MARCHF1: variants seen among roughly 807,000 people sequenced by gnomAD.
The protein encoded by MARCHF1 is membrane associated ring-CH-type finger 1, also known as E3 ubiquitin-protein ligase MARCHF1.
A neutral mutation model predicts 54.2 loss-of-function variants in MARCHF1; 40 were observed. The ratio of observed to expected loss-of-function variants is 0.74; its 90% CI spans 0.57 to 0.96. The LOEUF (loss-of-function observed/expected upper bound fraction) is 0.96, where lower values mean the gene tolerates loss of function less well. Ranked by LOEUF, MARCHF1 falls within the 40% of genes least tolerant of loss-of-function variation. MARCHF1 has a pLI of 0.00. For missense variants in MARCHF1, 586 were observed against 656.5 expected (o/e 0.89, Z 1.17); for synonymous variants, 236 against 236.3 (o/e 1.00, Z 0.01).
intron 1 of MARCHF1, among the ~76,000 whole-genome samples, chr4:164,249,459 G>C (rs1484988124): frequency 6.6e-6 from 1 of 152,040 alleles, no homozygotes; most frequent in Non-Finnish European, 1.5e-5. Context: ...AATGTAGGCA[G>C]CAGGGGAGGT....
At chr4:163,530,899 T>C (rs1433687558) in intron 9 of MARCHF1, among the ~76,000 whole-genome samples, 1 of 151,870 alleles carries the variant, frequency 6.6e-6, no homozygotes, top group Non-Finnish European at 1.5e-5. Context: ...TGGCCAAAGC[T>C]CACACAGGAG....
intron 4 of MARCHF1, among the ~76,000 whole-genome samples, chr4:163,748,177 T>A (rs549798438): frequency 2.6e-5 from 4 of 152,168 alleles, no homozygotes; most frequent in Non-Finnish European, 5.9e-5. Context: ...AACAGCTACC[T>A]TCAGCTATTC....
chr4:163,825,465 G>A (rs1748822040), intron 4 of MARCHF1, among the ~76,000 whole-genome samples: 1 of 151,968 alleles, frequency 6.6e-6, no homozygotes, highest in African/African-American at 2.4e-5. Flanking sequence ...ACCCAGTAAT[G>A]AGATTGTTGG....
chr4:163,956,023 C>G (rs1446603091), intron 3 of MARCHF1, among the ~76,000 whole-genome samples: 1 of 151,330 alleles, frequency 6.6e-6, no homozygotes, highest in Non-Finnish European at 1.5e-5. Context: ...TGGTGGAATC[C>G]AAGAAAAAAA....
At chr4:164,354,449 C>T (rs1305319502) in intron 1 of MARCHF1, among the ~76,000 whole-genome samples, 8 of 133,086 alleles carry the variant, frequency 6.0e-5, no homozygotes, top group East Asian at 4.6e-4. Context: ...GGATGCAAGG[C>T]TGGTTCAATA....
At chr4:164,257,051 G>A (rs1733308173) in intron 1 of MARCHF1, among the ~76,000 whole-genome samples, 1 of 152,022 alleles carries the variant, frequency 6.6e-6, no homozygotes, top group Non-Finnish European at 1.5e-5. Flanking sequence ...CATAAGCATG[G>A]AATTTATCCT....
chr4:163,599,369 T>A lies in MARCHF1; in HGVS notation c.1010+12902A>T, dbSNP rs550530488. ...AAGAACAAAGACAAAAACATACACA[T>A]TAGCTTATGCCTACACATATATACA... On this transcript the variant is annotated intron_variant, in intron 7 of 9. Transcript: ENST00000514618. 3.8e-3 allele frequency among the ~76,000 whole-genome samples: 583 copies of A among 151,766 alleles called. 5 individuals are homozygous for A. The highest frequency in any genetic ancestry group is 0.014 in the African/African-American group (561 of 41,352).
At chr4:163,650,431 A>G (rs1742923904) in intron 5 of MARCHF1, among the ~76,000 whole-genome samples, 1 of 151,946 alleles carries the variant, frequency 6.6e-6, no homozygotes, top group South Asian at 2.1e-4. Flanking sequence ...CATTAGTATT[A>G]TGGCTCTCAA....
intron 5 of MARCHF1, among the ~76,000 whole-genome samples, chr4:163,643,017 T>C (rs1049761755): frequency 1.6e-4 from 24 of 151,800 alleles, no homozygotes; most frequent in Non-Finnish European, 2.8e-4. Context: ...ATATGTATGT[T>C]AAGAGTCAGG....
At chr4:164,229,689 G>C (rs937184749) in intron 1 of MARCHF1, among the ~76,000 whole-genome samples, 3 of 152,136 alleles carry the variant, frequency 2.0e-5, no homozygotes, top group Non-Finnish European at 2.9e-5. Flanking sequence ...CATCTGGTTG[G>C]TTTCTGGGGA....
intron 2 of MARCHF1, among the ~76,000 whole-genome samples, chr4:164,073,319 A>AG (rs1212412498): frequency 6.6e-6 from 1 of 152,214 alleles, no homozygotes; most frequent in East Asian, 1.9e-4. Flanking sequence ...TGCAGCCATA[A>AG]AAAAGAATGA....
At chr4:163,950,912 T>C (rs1052976024) in intron 3 of MARCHF1, among the ~76,000 whole-genome samples, 1 of 152,200 alleles carries the variant, frequency 6.6e-6, no homozygotes, top group Non-Finnish European at 1.5e-5. Context: ...CCAAAGAACA[T>C]TGTTCAGGGC....
chr4:163,543,482 C>G (rs1323043145), intron 9 of MARCHF1, among the ~76,000 whole-genome samples: 1 of 151,510 alleles, frequency 6.6e-6, no homozygotes, highest in Admixed American at 6.6e-5. Context: ...TGCATTGCGA[C>G]ACGCTGAGAC....
chr4:164,138,483 C>A (rs1244041231), intron 1 of MARCHF1, among the ~76,000 whole-genome samples: 5 of 152,038 alleles, frequency 3.3e-5, no homozygotes, highest in Non-Finnish European at 7.4e-5. Flanking sequence ...AGAAGTAGGG[C>A]CTGGACTTTG....
chr4:163,723,812 G>A (rs930695967), intron 4 of MARCHF1, among the ~76,000 whole-genome samples: 12 of 152,138 alleles, frequency 7.9e-5, no homozygotes, highest in Non-Finnish European at 5.9e-5. Context: ...CCAGTTGAAC[G>A]AATCGGCTAC....
intron 2 of MARCHF1, among the ~76,000 whole-genome samples, chr4:164,045,486 T>C (rs1754222721): frequency 6.6e-6 from 1 of 151,192 alleles, no homozygotes; most frequent in African/African-American, 2.4e-5. Flanking sequence ...CACTCCAGCC[T>C]GGGTGGTGGA....
At chr4:164,152,951 T>G (rs923687612) in intron 1 of MARCHF1, among the ~76,000 whole-genome samples, 2 of 152,188 alleles carry the variant, frequency 1.3e-5, no homozygotes, top group African/African-American at 2.4e-5. Flanking sequence ...TAATAGTATT[T>G]TATTGATGTC....
intron 1 of MARCHF1, among the ~76,000 whole-genome samples, chr4:164,379,644 T>C (rs1731308548): frequency 6.6e-6 from 1 of 152,172 alleles, no homozygotes; most frequent in Admixed American, 6.5e-5. Context: ...TTTACCCTCA[T>C]AGCAACAATA....
At chr4:164,077,005 T>C (rs1276825185) in intron 2 of MARCHF1, among the ~76,000 whole-genome samples, 1 of 152,152 alleles carries the variant, frequency 6.6e-6, no homozygotes, top group African/African-American at 2.4e-5. Flanking sequence ...CCATAGACTT[T>C]CTTCATAGAA....
Sources: allele counts gnomAD v4.1 joint callset (sites outside exome capture counted in the v4.1 genomes callset), GRCh38; gene constraint gnomAD v4.1.1; transcripts MANE v1.5; gene names NCBI Gene and HGNC (gene_info 2026-07-23, HGNC 2026-07-21).